SSX2IP: variants seen among roughly 807,000 people sequenced by gnomAD.
The protein encoded by SSX2IP is afadin- and alpha-actinin-binding protein.
Under a neutral mutation model 84.9 loss-of-function variants are expected in SSX2IP, and 55 were observed. The ratio of observed to expected loss-of-function variants is 0.65; its 90% CI spans 0.52 to 0.81. The LOEUF (loss-of-function observed/expected upper bound fraction) is 0.81, where lower values mean the gene tolerates loss of function less well. Among genes scored for constraint, SSX2IP ranks in the 30% least tolerant of loss-of-function variants. SSX2IP has a pLI of 0.00. For synonymous variants in SSX2IP, 239 were observed against 234.7 expected, an observed-to-expected ratio of 1.02 and a Z score of -0.17; for missense variants, 664 against 705.2, an observed-to-expected ratio of 0.94 and a Z score of 0.66.
chr1:84,650,713 T>C (rs913283029), intron 12 of SSX2IP, among the ~76,000 whole-genome samples, 186 bp from the exon 13 acceptor site: 4 of 150,172 alleles, frequency 2.7e-5, no homozygotes, highest in Non-Finnish European at 4.5e-5. Flanking sequence ...AAAGGATCTT[T>C]TTTTTTTTTG....
chr1:84,673,859 C>T (rs1280018831), intron 1 of SSX2IP, among the ~76,000 whole-genome samples: 1 of 152,174 alleles, frequency 6.6e-6, no homozygotes, highest in East Asian at 1.9e-4. Flanking sequence ...TACACACACA[C>T]ACAGACACAG....
chr1:84,675,615 G>A (rs1371068836), intron 1 of SSX2IP, among the ~76,000 whole-genome samples: 1 of 152,166 alleles, frequency 6.6e-6, no homozygotes, highest in Non-Finnish European at 1.5e-5. Context: ...TAAGCTGATA[G>A]CTTATTTTCC....
intron 12 of SSX2IP, among the ~76,000 whole-genome samples, chr1:84,651,643 G>A (rs758783979): frequency 5.9e-5 from 9 of 152,000 alleles, no homozygotes; most frequent in Non-Finnish European, 8.8e-5. Flanking sequence ...CAAGATAATC[G>A]CGTGAAGCTG....
rs1384491110 is a variant in SSX2IP at position 84,645,788 on chromosome 1, T to C, written c.*1645A>G. On this transcript the variant is annotated 3_prime_UTR_variant, in exon 14 of 14. Transcript: ENST00000342203. ...CTTTAGCATATGGTAGTGTCTTCGA[T>C]ATTTTGTACAATGTGTAGTATTTTA... is the stretch of plus-strand genomic sequence containing the variant. 2 of 152,188 alleles carry C rather than the reference T, an allele frequency of 1.3e-5. No individual in the cohort carries two copies. Among genetic ancestry groups the C allele is most frequent in the African/African-American group, 4.8e-5 (2 of 41,450 alleles). The allele number at this position is 152,188 out of a possible 1,614,324, so 9.4% of individuals were successfully genotyped here.
intron 1 of SSX2IP, among the ~76,000 whole-genome samples, chr1:84,679,534 A>T (rs1654797714): frequency 6.6e-6 from 1 of 152,228 alleles, no homozygotes; most frequent in African/African-American, 2.4e-5. Context: ...GTTGGAAAGT[A>T]CAGTGCAAAC....
chr1:84,671,992 A>G (rs1263403126), intron 1 of SSX2IP, among the ~76,000 whole-genome samples: 2 of 152,232 alleles, frequency 1.3e-5, no homozygotes, highest in Non-Finnish European at 2.9e-5. Flanking sequence ...AATAAACAAT[A>G]TATTTATACA....
intron 4 of SSX2IP, among the ~76,000 whole-genome samples, chr1:84,667,757 C>A (rs776175466): frequency 2.0e-5 from 3 of 152,264 alleles, no homozygotes; most frequent in South Asian, 4.1e-4. Context: ...AAGTCATATA[C>A]TCTGCCTAGA....
chr1:84,681,177 G>A lies in SSX2IP; in HGVS notation c.-90+9194C>T, dbSNP rs148332757. ...AACAGTATACAAATATTTGAAATGT[G>A]TAAATCTTTCCACTAAACAATCATA... On this transcript the variant is annotated intron_variant, in intron 1 of 13. Transcript: ENST00000342203. Among the ~76,000 whole-genome samples, 289 of 152,278 alleles carry A rather than the reference G, an allele frequency of 1.9e-3. 2 individuals carry two copies. The highest frequency in any genetic ancestry group is 6.4e-3 in the African/African-American group (268 of 41,566).
chr1:84,647,592 C>A lies in SSX2IP; in HGVS notation c.1686G>T (p.Leu562=), dbSNP rs151114306. The A allele has an allele frequency of 1.9e-6, 3 of 1,603,462 alleles. No individual in the cohort carries two copies. The highest frequency in any genetic ancestry group is 2.6e-6 in the Non-Finnish European group (3 of 1,174,228). Reference sequence around the variant, plus strand: ...GTTTAATTTCTTCAGCAGTTATATTCAGTACATTGATTGAACTGTTGGGAA... The same window carrying A: ...GTTTAATTTCTTCAGCAGTTATATTAAGTACATTGATTGAACTGTTGGGAA... ...CISEHSSINV[L]NITAEEIKPN... The change falls in exon 14 of 14, where the codon CTG becomes CTT. Residue 562 remains leucine (L), a synonymous_variant. Coordinates refer to ENST00000342203, the MANE Select transcript of SSX2IP (RefSeq NM_001166293.2).
Position 84,664,582 on chromosome 1 carries a change from A to T in SSX2IP, c.538-30T>A, listed in dbSNP as rs368575754. On this transcript the variant is annotated intron_variant, in intron 5 of 13. Transcript: ENST00000342203. ...AAAAGGCATTTGCTATTATAAGCCC[A>T]GTAACGATTCACAAATTTGAAAGAG... 2.6e-6 allele frequency: 4 copies of T among 1,515,764 alleles called. No homozygotes were observed. In the African/African-American group the frequency reaches 5.7e-5, roughly 22 times the overall value. The allele number at this position is 1,515,764 out of a possible 1,614,324, so 93.9% of individuals were successfully genotyped here.
chr1:84,676,291 C>A lies in SSX2IP; in HGVS notation c.-89-4983G>T, dbSNP rs137856008. ...TTTTGTTCATTAGCGGTAGGTAACA[C>A]GTATATAGCCATCTAATAAACTTCC... On this transcript the variant is annotated intron_variant, in intron 1 of 13. Coordinates refer to ENST00000342203, the MANE Select transcript of SSX2IP (RefSeq NM_001166293.2). 2.3e-3 allele frequency among the ~76,000 whole-genome samples: 354 copies of A among 152,276 alleles called. 1 individual carries two copies. Among genetic ancestry groups the A allele is most frequent in the African/African-American group, 7.8e-3 (323 of 41,540 alleles).
rs1247657005 is a variant in SSX2IP at position 84,645,907 on chromosome 1, TATCCAC to T, written c.*1520_*1525del. 4 of 152,188 alleles carry T rather than the reference TATCCAC, an allele frequency of 2.6e-5. No individual in the cohort carries two copies. Among genetic ancestry groups the T allele is most frequent in the African/African-American group, 9.6e-5 (4 of 41,454 alleles). 9.4% of individuals were successfully genotyped at this position (152,188 alleles called of 1,614,324 possible). On this transcript the variant is annotated 3_prime_UTR_variant, in exon 14 of 14. Transcript: ENST00000342203. ...ACTATAAATATGGTTACTATGAGTA[TATCCAC>T]TAATGTCTCATAAGACACTCTTAAT...
intron 13 of SSX2IP, 115 bp from the exon 14 acceptor site, chr1:84,647,722 GGC>G: frequency 1.3e-6 from 1 of 755,984 alleles, no homozygotes; most frequent in Non-Finnish European, 1.8e-6. Context: ...TAAAAATCTA[GGC>G]CAAAAATATA....
At chr1:84,647,759 A>AG in intron 13 of SSX2IP, 152 bp from the exon 14 acceptor site, 2 of 621,678 alleles carry the variant, frequency 3.2e-6, no homozygotes, top group Non-Finnish European at 4.8e-6. Flanking sequence ...TTGGAAAAAA[A>AG]AAACGGCTGG....
chr1:84,684,441 T>C (rs1442226375), intron 1 of SSX2IP, among the ~76,000 whole-genome samples: 1 of 152,230 alleles, frequency 6.6e-6, no homozygotes, highest in South Asian at 2.1e-4. Flanking sequence ...GATGTAAAAG[T>C]GTTCCAAAGC....
intron 4 of SSX2IP, among the ~76,000 whole-genome samples, chr1:84,668,990 A>T (rs1300974149): frequency 1.3e-5 from 2 of 152,102 alleles, no homozygotes; most frequent in African/African-American, 2.4e-5. Flanking sequence ...ATAATATACA[A>T]CTATAAGTCC....
intron 8 of SSX2IP, 110 bp downstream of exon 8, chr1:84,662,088 G>C: frequency 1.5e-6 from 1 of 680,624 alleles, no homozygotes; most frequent in Non-Finnish European, 2.5e-6. Context: ...TAGCAGTTGA[G>C]TGTCCTATTC....
At chr1:84,688,456 G>T (rs932766098) in intron 1 of SSX2IP, among the ~76,000 whole-genome samples, 5 of 152,294 alleles carry the variant, frequency 3.3e-5, no homozygotes, top group Admixed American at 3.3e-4. Flanking sequence ...CATGTTAAAT[G>T]AATTAAAATC....
At chr1:84,688,294 T>C (rs1323972869) in intron 1 of SSX2IP, among the ~76,000 whole-genome samples, 2 of 152,154 alleles carry the variant, frequency 1.3e-5, no homozygotes, top group Non-Finnish European at 2.9e-5. Flanking sequence ...GCTAACCATA[T>C]CACCATTACC....
Sources: gnomAD v4.1 joint callset for allele counts (sites outside exome capture counted in the v4.1 genomes callset) on GRCh38, gnomAD v4.1.1 for gene constraint, MANE v1.5 for transcripts, NCBI Gene and HGNC (gene_info 2026-07-23, HGNC 2026-07-21) for gene names.